Variants in TRPM1 observed in about 807,000 individuals in gnomAD.
TRPM1 encodes TRPM1-203 APA Isoform, Intron 10.
Under a neutral mutation model 149.4 loss-of-function variants are expected in TRPM1, and 113 were observed. The ratio of observed to expected loss-of-function variants is 0.76; its 90% CI spans 0.65 to 0.88. TRPM1 has a LOEUF of 0.88. Ranked by LOEUF, TRPM1 falls within the 40% of genes least tolerant of loss-of-function variation. The probability of loss-of-function intolerance (pLI) is 0.00; values close to 1 mark genes in which losing one functional copy is unlikely to be tolerated. For synonymous variants in TRPM1, 741 were observed against 759.5 expected (o/e 0.98, Z 0.40); for missense variants, 1,976 against 2,038.7 (o/e 0.97, Z 0.59).
intron 1 of TRPM1, among the ~76,000 whole-genome samples, chr15:31,153,292 T>A (rs2036327048): frequency 6.6e-6 from 1 of 152,178 alleles, no homozygotes; most frequent in Admixed American, 6.5e-5. Flanking sequence ...GTCTCCCAAC[T>A]CTTATTTTAA....
chr15:31,113,146 G>A (rs571373344), intron 1 of TRPM1, among the ~76,000 whole-genome samples: 4 of 152,114 alleles, frequency 2.6e-5, no homozygotes, highest in Non-Finnish European at 5.9e-5. Flanking sequence ...TGTGTCTTCT[G>A]CCTGAATCAC....
intron 1 of TRPM1, among the ~76,000 whole-genome samples, chr15:31,126,126 C>G (rs11856516): frequency 0.032 from 4,933 of 152,014 alleles, 255 homozygotes; most frequent in African/African-American, 0.11. Flanking sequence ...AGTGGAACTT[C>G]GTCTCAAAAA....
exon 1 of TRPM1, chr15:31,160,910 T>C: frequency 6.5e-7 from 1 of 1,535,524 alleles, no homozygotes; most frequent in Non-Finnish European, 8.7e-7. Flanking sequence ...ACTCACCTTC[T>C]GCGACCCTGA....
chr15:31,068,550 T>G (rs2034445326), intron 4 of TRPM1, among the ~76,000 whole-genome samples: 1 of 151,844 alleles, frequency 6.6e-6, no homozygotes, highest in Non-Finnish European at 1.5e-5. Context: ...GAGACCAGCC[T>G]GACCAACATG....
intron 1 of TRPM1, among the ~76,000 whole-genome samples, chr15:31,133,930 G>T (rs1192249202): frequency 6.6e-6 from 1 of 152,186 alleles, no homozygotes; most frequent in African/African-American, 2.4e-5. Flanking sequence ...TAAGGGCTGG[G>T]AGGGGAGAAA....
chr15:31,050,501 C>T lies in TRPM1; in HGVS notation c.1345G>A (p.Gly449Arg), dbSNP rs2033917379. 1.9e-6 allele frequency: 3 copies of T among 1,613,980 alleles called. No individual in the cohort carries two copies. The highest frequency in any genetic ancestry group is 2.2e-5 in the South Asian group (2 of 91,072). The stretch of plus-strand genomic sequence containing the variant: ...TTCTTGCCTTTCCCTTTTCCTCTTC[C>T]TCCCTTGGTGGTGGCCATGGGTGGC... ...KKPPMATTKG[G>R]RGKGKGKKKG... The change falls in exon 12 of 28, where the codon GGA (glycine) becomes AGA (arginine). Residue 449 changes from glycine to arginine, a missense_variant. Physicochemically the swap from Gly to Arg is moderately radical, Grantham distance 125. Around this residue, in one of 3 missense-constraint regions of TRPM1, gnomAD observed 1,332 missense variants for 1,347.1 expected, o/e 0.99. Transcript: ENST00000256552.
At chr15:31,105,969 A>G (rs886268812), upstream of TRPM1, among the ~76,000 whole-genome samples, 1 of 152,190 alleles carries the variant, frequency 6.6e-6, no homozygotes, top group African/African-American at 2.4e-5. Flanking sequence ...TTGGATTTCC[A>G]TGCATTGTTT....
At chr15:31,156,262 A>G (rs1332088163) in intron 1 of TRPM1, among the ~76,000 whole-genome samples, 1 of 150,192 alleles carries the variant, frequency 6.7e-6, no homozygotes, top group African/African-American at 2.5e-5. Context: ...TTTCTTTGCC[A>G]TATTTTGAAA....
intron 1 of TRPM1, among the ~76,000 whole-genome samples, chr15:31,099,418 C>A (rs890659957): frequency 3.3e-5 from 5 of 152,176 alleles, no homozygotes; most frequent in Admixed American, 2.0e-4. Context: ...CACACATACA[C>A]TCTCAAATTA....
chr15:31,159,379 G>A (rs992216797), intron 1 of TRPM1, among the ~76,000 whole-genome samples: 5 of 152,168 alleles, frequency 3.3e-5, no homozygotes, highest in African/African-American at 1.2e-4. Flanking sequence ...AGCAAGAACA[G>A]TGTGGGCCAG....
intron 1 of TRPM1, among the ~76,000 whole-genome samples, chr15:31,113,256 C>G (rs1189462003): frequency 1.3e-5 from 2 of 152,156 alleles, no homozygotes; most frequent in African/African-American, 4.8e-5. Flanking sequence ...GAGGGCTCCA[C>G]AGGACAGGAC....
chr15:31,015,789 G>A (rs2032337830), intron 27 of TRPM1, among the ~76,000 whole-genome samples: 1 of 151,972 alleles, frequency 6.6e-6, no homozygotes, highest in Non-Finnish European at 1.5e-5. Flanking sequence ...TCCATCCATG[G>A]CAGCCCTTAA....
At chr15:31,153,291 C>A (rs2036326996) in intron 1 of TRPM1, among the ~76,000 whole-genome samples, 1 of 152,208 alleles carries the variant, frequency 6.6e-6, no homozygotes, top group Non-Finnish European at 1.5e-5. Flanking sequence ...GGTCTCCCAA[C>A]TCTTATTTTA....
intron 1 of TRPM1, among the ~76,000 whole-genome samples, chr15:31,160,017 C>T (rs550159834): frequency 6.8e-4 from 103 of 152,202 alleles, no homozygotes; most frequent in Non-Finnish European, 1.3e-3. Flanking sequence ...CTTGCTGCCT[C>T]CCCCCACCCT....
intron 1 of TRPM1, among the ~76,000 whole-genome samples, chr15:31,108,971 C>T (rs1169525528): frequency 1.3e-5 from 2 of 152,150 alleles, no homozygotes; most frequent in African/African-American, 4.8e-5. Flanking sequence ...TCATTGAGAT[C>T]ACCTCTCCCA....
upstream of TRPM1, among the ~76,000 whole-genome samples, chr15:31,105,488 T>C (rs922156381): frequency 2.7e-5 from 4 of 150,860 alleles, no homozygotes; most frequent in Admixed American, 6.6e-5. Context: ...CGCGCGCGCG[T>C]GCATCTGTAA....
intron 1 of TRPM1, among the ~76,000 whole-genome samples, chr15:31,091,675 A>G (rs2035244603): frequency 6.6e-6 from 1 of 152,178 alleles, no homozygotes; most frequent in South Asian, 2.1e-4. Flanking sequence ...AAAGAGGTTC[A>G]CATGTGCGCT....
intron 9 of TRPM1, among the ~76,000 whole-genome samples, chr15:31,061,950 A>G (rs1476807449): frequency 6.6e-6 from 1 of 152,038 alleles, no homozygotes; most frequent in African/African-American, 2.4e-5. Flanking sequence ...AGCCCCCCAA[A>G]GTGCTGGGAT....
At chr15:31,103,828 A>T (rs1268969578), upstream of TRPM1, among the ~76,000 whole-genome samples, 2 of 144,768 alleles carry the variant, frequency 1.4e-5, no homozygotes, top group African/African-American at 2.5e-5. Flanking sequence ...AAAAAAAAAA[A>T]GAGAGAAAGA....
Sources: gnomAD v4.1 joint callset for allele counts (sites outside exome capture counted in the v4.1 genomes callset) on GRCh38, gnomAD v4.1.1 for gene constraint, gnomAD v4.1.1 regional missense constraint, MANE v1.5 for transcripts, NCBI Gene and HGNC (gene_info 2026-07-23, HGNC 2026-07-21) for gene names.